Variants in CD226 observed in about 807,000 individuals in gnomAD.
CD226 encodes the protein CD226 molecule, also known as CD226 antigen.
A neutral mutation model predicts 34.9 loss-of-function variants in CD226; 24 were observed. The ratio of observed to expected loss-of-function variants is 0.69; its 90% CI spans 0.50 to 0.97. CD226 has a LOEUF of 0.97. CD226 is among the 50% of genes least tolerant of loss of function. CD226 has a pLI of 0.00. For synonymous variants in CD226, 148 were observed against 147.4 expected, an observed-to-expected ratio of 1.00 and a Z score of -0.03; for missense variants, 397 against 412.7, an observed-to-expected ratio of 0.96 and a Z score of 0.33.
chr18:69,953,114 C>T (rs146347832), intron 1 of CD226, among the ~76,000 whole-genome samples: 2 of 152,114 alleles, frequency 1.3e-5, no homozygotes, highest in African/African-American at 2.4e-5. Flanking sequence ...GTTGCACAAG[C>T]GTTGTAAAGA....
At chr18:69,919,087 C>A (rs966793587) in intron 2 of CD226, among the ~76,000 whole-genome samples, 1 of 152,046 alleles carries the variant, frequency 6.6e-6, no homozygotes, top group Non-Finnish European at 1.5e-5. Flanking sequence ...AAAAAAGAGC[C>A]GAAAGGAAAT....
chr18:69,957,106 A>G (rs1599040558), upstream of CD226: 1 of 152,222 alleles, frequency 6.6e-6, no homozygotes, highest in East Asian at 1.9e-4. Flanking sequence ...TTCCAAACTC[A>G]GATAAAGTTC....
rs573488074 is a variant in CD226 at position 69,934,813 on chromosome 18, G to T, written c.382+11921C>A. On this transcript the variant is annotated intron_variant, in intron 2 of 5. Transcript: ENST00000582621. ...GTTATTTAATTAAAACTGCTCAGGA[G>T]TAAGTAGAAGAGATGTTGCCTGAGG... is the stretch of plus-strand genomic sequence containing the variant. Among the ~76,000 whole-genome samples the T allele has an allele frequency of 2.6e-5, 4 of 152,314 alleles. No homozygotes were observed. The East Asian group carries it at 7.7e-4, about 29-fold the overall frequency.
chr18:69,891,596 C>T (rs150528996), intron 3 of CD226, among the ~76,000 whole-genome samples: 1 of 151,998 alleles, frequency 6.6e-6, no homozygotes, highest in Non-Finnish European at 1.5e-5. Context: ...CCTAAAAGTG[C>T]CACAAAAAAA....
At chr18:69,961,006 A>C (rs2055927075), upstream of CD226, among the ~76,000 whole-genome samples, 1 of 152,228 alleles carries the variant, frequency 6.6e-6, no homozygotes, top group Non-Finnish European at 1.5e-5. Context: ...AAAATTATTT[A>C]AAATGTAGGA....
chr18:69,944,896 T>C (rs1030536191), intron 2 of CD226, among the ~76,000 whole-genome samples: 1 of 152,226 alleles, frequency 6.6e-6, no homozygotes, highest in African/African-American at 2.4e-5. Context: ...GCCTCAGCTA[T>C]ATACACAAAA....
rs1210086431 is a variant in CD226 at position 69,936,631 on chromosome 18, T to C, written c.382+10103A>G. On this transcript the variant is annotated intron_variant, in intron 2 of 5. Transcript: ENST00000582621. Reference sequence around the variant, plus strand: ...GTAACATTTTTTAGTCTTGTGTGTGTGCATGCATACACACACACATGGATA... The same window carrying C: ...GTAACATTTTTTAGTCTTGTGTGTGCGCATGCATACACACACACATGGATA... Among the ~76,000 whole-genome samples the C allele has an allele frequency of 3.3e-5, 5 of 152,194 alleles. No individual in the cohort carries two copies. In the East Asian group the frequency reaches 9.6e-4, roughly 29 times the overall value.
chr18:69,865,024 G>T (rs888891028), intron 5 of CD226, among the ~76,000 whole-genome samples: 1 of 152,002 alleles, frequency 6.6e-6, no homozygotes, highest in Non-Finnish European at 1.5e-5. Context: ...TCAGAGTCTC[G>T]CTCTGTTGCC....
Position 69,920,325 on chromosome 18 carries a change from C to T in CD226, c.383-24280G>A, listed in dbSNP as rs1375023085. 3.3e-5 allele frequency among the ~76,000 whole-genome samples: 5 copies of T among 152,338 alleles called. No individual in the cohort carries two copies. The East Asian group carries it at 9.6e-4, about 29-fold the overall frequency. On this transcript the variant is annotated intron_variant, in intron 2 of 5. Coordinates refer to ENST00000582621, the MANE Select transcript of CD226 (RefSeq NM_001303618.2). ...AAAGACTAGAGGTCTCTTTGTTCTTCACATTATGAAACAGGAATTTTCCAT... is the reference window on the plus strand; with the variant it reads ...AAAGACTAGAGGTCTCTTTGTTCTTTACATTATGAAACAGGAATTTTCCAT...
At chr18:69,930,415 C>A (rs1020912118) in intron 2 of CD226, among the ~76,000 whole-genome samples, 1 of 152,128 alleles carries the variant, frequency 6.6e-6, no homozygotes. Flanking sequence ...GGAGCAAAAG[C>A]ATCAAATCTC....
At position 69,861,555 on chromosome 18, in the gene CD226, T is replaced by TATATATATATATATATAC. The variant is rs1555675805; in HGVS notation, c.*2758_*2759insGTATATATATATATATAT. ...TAAATTATATGTGTATATATATATG[T>TATATATATATATATATAC]ATATATATATATATATATGTAAAAC... On this transcript the variant is annotated 3_prime_UTR_variant, in exon 6 of 6. Coordinates refer to ENST00000582621, the MANE Select transcript of CD226 (RefSeq NM_001303618.2). 7.8e-4 allele frequency: 3 copies of TATATATATATATATATAC among 3,868 alleles called. No individual in the cohort carries two copies. The highest frequency in any genetic ancestry group is 0.01 in the Admixed American group (2 of 192). 0.2% of individuals were successfully genotyped at this position (3,868 alleles called of 1,614,324 possible). A position where few individuals can be genotyped will look rare whatever the true frequency, so the allele number is the denominator to read the frequency against.
intron 2 of CD226, among the ~76,000 whole-genome samples, chr18:69,925,420 G>C (rs552745500): frequency 4.6e-5 from 7 of 151,756 alleles, no homozygotes; most frequent in African/African-American, 1.4e-4. Context: ...AGAAACAAAA[G>C]AAAAAACTCG....
rs571067237 is a variant in CD226, at chr18:69,923,229, GAGAA to G, written c.382+23501_382+23504del. On this transcript the variant is annotated intron_variant, in intron 2 of 5. Coordinates refer to ENST00000582621, the MANE Select transcript of CD226 (RefSeq NM_001303618.2). The stretch of plus-strand genomic sequence containing the variant: ...AAGGAAAGGGAGAAAGAAAGAGAGA[GAGAA>G]AGAAAGAGAGAGAGAGAAGGAAGGA... Among the ~76,000 whole-genome samples, 1,121 of 151,724 alleles carry G rather than the reference GAGAA, an allele frequency of 7.4e-3. 8 individuals are homozygous for G. The highest frequency in any genetic ancestry group is 0.01 in the Non-Finnish European group (704 of 67,884).
chr18:69,885,426 C>A (rs1483081035), intron 3 of CD226, among the ~76,000 whole-genome samples: 2 of 152,086 alleles, frequency 1.3e-5, no homozygotes, highest in African/African-American at 2.4e-5. Flanking sequence ...GGCACAAGAG[C>A]AAGAGAGCAG....
At position 69,940,018 on chromosome 18, in the gene CD226, A is replaced by C. The variant is rs1352196674; in HGVS notation, c.382+6716T>G. On this transcript the variant is annotated intron_variant, in intron 2 of 5. Transcript: ENST00000582621. ...ACCCTCACGTGTCGTGGGAGAGACC[A>C]GGTGGAGATAACTGAATCATGGGGG... Among the ~76,000 whole-genome samples, 5 of 152,360 alleles carry C rather than the reference A, an allele frequency of 3.3e-5. No individual in the cohort carries two copies. The East Asian group carries it at 9.6e-4, about 29-fold the overall frequency.
intron 2 of CD226, among the ~76,000 whole-genome samples, chr18:69,937,622 T>C (rs564697838): frequency 6.6e-6 from 1 of 152,296 alleles, no homozygotes; most frequent in South Asian, 2.1e-4. Flanking sequence ...ACATTGTACA[T>C]TGTAGATTCT....
upstream of CD226, among the ~76,000 whole-genome samples, chr18:69,957,911 C>T (rs1865800693): frequency 6.6e-6 from 1 of 152,188 alleles, no homozygotes; most frequent in African/African-American, 2.4e-5. Context: ...TTGATGACTG[C>T]CATTTTCCCA....
At chr18:69,898,078 G>C (rs1433702175) in intron 2 of CD226, among the ~76,000 whole-genome samples, 1 of 151,786 alleles carries the variant, frequency 6.6e-6, no homozygotes, top group Non-Finnish European at 1.5e-5. Flanking sequence ...AAGCTTAAAA[G>C]AAACAAAAGG....
chr18:69,952,416 T>C (rs1002295644), upstream of CD226, among the ~76,000 whole-genome samples: 2 of 152,238 alleles, frequency 1.3e-5, no homozygotes, highest in Non-Finnish European at 2.9e-5. Flanking sequence ...CTTGTACCCC[T>C]TGAATTTATA....
Sources: allele counts gnomAD v4.1 joint callset (sites outside exome capture counted in the v4.1 genomes callset), GRCh38; gene constraint gnomAD v4.1.1; transcripts MANE v1.5; gene names NCBI Gene and HGNC (gene_info 2026-07-23, HGNC 2026-07-21).